The following CACNA1E variants were observed in gnomAD, a reference collection of about 807,000 sequenced individuals.
The protein encoded by CACNA1E is voltage-dependent R-type calcium channel subunit alpha-1E.
Under a neutral mutation model 259.2 loss-of-function variants are expected in CACNA1E, and 40 were observed. The ratio of observed to expected loss-of-function variants is 0.15; its 90% CI spans 0.12 to 0.20. The LOEUF (loss-of-function observed/expected upper bound fraction) is 0.20, where lower values mean the gene tolerates loss of function less well. Among genes scored for constraint, CACNA1E ranks in the 10% least tolerant of loss-of-function variants. The probability of loss-of-function intolerance (pLI) is 1.00; values close to 1 mark genes in which losing one functional copy is unlikely to be tolerated. For missense variants in CACNA1E, 1,874 were observed against 3,040.1 expected, an observed-to-expected ratio of 0.62 and a Z score of 9.02; for synonymous variants, 1,104 against 1,138.5, an observed-to-expected ratio of 0.97 and a Z score of 0.61.
intron 39 of CACNA1E, among the ~76,000 whole-genome samples, chr1:181,781,902 GTGCTCATA>G (rs1432518548): frequency 1.3e-5 from 2 of 152,162 alleles, no homozygotes; most frequent in Non-Finnish European, 2.9e-5. Context: ...ACAGCTATCA[GTGCTCATA>G]TGCAAAGAAA....
At chr1:181,323,208 T>A (rs1478090641) in intron 1 of CACNA1E, among the ~76,000 whole-genome samples, 2 of 152,224 alleles carry the variant, frequency 1.3e-5, no homozygotes, top group African/African-American at 4.8e-5. Flanking sequence ...ATGTGCTTTT[T>A]CCAGAAGGAA....
chr1:181,622,372 AG>A (rs1261956389), intron 6 of CACNA1E, among the ~76,000 whole-genome samples: 1 of 152,148 alleles, frequency 6.6e-6, no homozygotes, highest in East Asian at 1.9e-4. Context: ...TATATTTGCT[AG>A]GGCTGCCATA....
In CACNA1E at chr1:181,794,976, A is replaced by G. The variant is rs769258344; in HGVS notation, c.6140A>G (p.Tyr2047Cys). The G allele has an allele frequency of 1.9e-6, 3 of 1,613,984 alleles. No individual in the cohort carries two copies. Among genetic ancestry groups the G allele is most frequent in the Non-Finnish European group, 2.5e-6 (3 of 1,179,878 alleles). The change falls in exon 46 of 48, where the codon TAC becomes TGC. Residue 2047 changes from tyrosine to cysteine, a missense_variant. Physicochemically the swap from Tyr to Cys is radical, Grantham distance 194. Transcript: ENST00000367573. ...FSMERSSENT[Y>C]KSRRRSYHSS... ...ATGGAGCGAAGCAGTGAAAATACCTACAAGTCCCGTCGCCGGAGTTACCAC... is the reference window on the plus strand; with the variant it reads ...ATGGAGCGAAGCAGTGAAAATACCTGCAAGTCCCGTCGCCGGAGTTACCAC...
chr1:181,734,958 A>G (rs923424803), intron 21 of CACNA1E, among the ~76,000 whole-genome samples: 2 of 152,192 alleles, frequency 1.3e-5, no homozygotes, highest in African/African-American at 4.8e-5. Context: ...CATTAATCCC[A>G]CCTGCTGCCC....
At chr1:181,358,117 C>T (rs566624022) in intron 1 of CACNA1E, among the ~76,000 whole-genome samples, 11 of 152,230 alleles carry the variant, frequency 7.2e-5, no homozygotes, top group African/African-American at 2.6e-4. Context: ...ATGGGGAGTG[C>T]TGCCTACCCA....
chr1:181,726,000 C>A, intron 17 of CACNA1E, 65 bp from the exon 18 acceptor site: 1 of 1,072,718 alleles, frequency 9.3e-7, no homozygotes, highest in African/African-American at 1.6e-5. Context: ...CTTAGGAGAG[C>A]AGCCAAGGGA....
intron 34 of CACNA1E, among the ~76,000 whole-genome samples, chr1:181,764,121 T>G (rs989886714): frequency 1.3e-5 from 2 of 152,190 alleles, no homozygotes; most frequent in African/African-American, 4.8e-5. Context: ...ATGATGTGTT[T>G]CCTCTGCACA....
chr1:181,712,726 C>A (rs778287101), intron 8 of CACNA1E, among the ~76,000 whole-genome samples: 3 of 151,940 alleles, frequency 2.0e-5, no homozygotes, highest in Non-Finnish European at 4.4e-5. Context: ...CATGGGAGGT[C>A]AAGCAGATTT....
chr1:181,707,836 G>A (rs1230792712), intron 7 of CACNA1E, among the ~76,000 whole-genome samples: 2 of 152,134 alleles, frequency 1.3e-5, no homozygotes, highest in Non-Finnish European at 2.9e-5. Context: ...TTCTAGTCTA[G>A]GAAGATAGAA....
intron 25 of CACNA1E, chr1:181,745,256 G>A: frequency 2.6e-6 from 1 of 384,510 alleles, no homozygotes; most frequent in Non-Finnish European, 5.0e-6. Flanking sequence ...CATTGGTACT[G>A]CTGAGGAACT....
chr1:181,516,580 G>C (rs1466563017), intron 3 of CACNA1E, among the ~76,000 whole-genome samples: 1 of 152,200 alleles, frequency 6.6e-6, no homozygotes, highest in Non-Finnish European at 1.5e-5. Flanking sequence ...CCTAGGCCAA[G>C]TGATGTCACT....
At position 181,750,490 on chromosome 1, in the gene CACNA1E, A is replaced by G; in HGVS notation, c.3731+3A>G. 1 of 1,613,028 alleles carries G rather than the reference A, an allele frequency of 6.2e-7. No homozygotes were observed. Among genetic ancestry groups the G allele is most frequent in the Non-Finnish European group, 8.5e-7 (1 of 1,179,196 alleles). On this transcript the variant is annotated splice_donor_region_variant and intron_variant, in intron 26 of 47. Coordinates refer to ENST00000367573, the MANE Select transcript of CACNA1E (RefSeq NM_001205293.3). ...ATCCTCCATAGGAACGCTTTGGGGT[A>G]AATATGTTCGATTATCTTTGAAGTA... is the stretch of plus-strand genomic sequence containing the variant.
intron 25 of CACNA1E, among the ~76,000 whole-genome samples, chr1:181,741,092 C>A (rs1656528470): frequency 1.3e-5 from 2 of 152,128 alleles, no homozygotes; most frequent in Non-Finnish European, 2.9e-5. Flanking sequence ...CTGTATCATT[C>A]TTCTTATTTT....
At chr1:181,676,546 C>T (rs894971470) in intron 7 of CACNA1E, among the ~76,000 whole-genome samples, 1 of 152,126 alleles carries the variant, frequency 6.6e-6, no homozygotes, top group African/African-American at 2.4e-5. Context: ...TACCACCAAG[C>T]TCTGTGTCTG....
At chr1:181,747,504 G>C (rs150186544) in intron 25 of CACNA1E, among the ~76,000 whole-genome samples, 71 of 143,504 alleles carry the variant, frequency 4.9e-4, no homozygotes, top group African/African-American at 1.8e-3. Flanking sequence ...CAAATAAATA[G>C]AAAATAAATG....
chr1:181,544,006 A>G (rs766119154), intron 3 of CACNA1E, among the ~76,000 whole-genome samples: 1 of 152,232 alleles, frequency 6.6e-6, no homozygotes, highest in Non-Finnish European at 1.5e-5. Flanking sequence ...CCCATACAAA[A>G]AGTTGTGCAT....
chr1:181,369,314 C>A (rs180797038), intron 1 of CACNA1E, among the ~76,000 whole-genome samples: 1 of 152,164 alleles, frequency 6.6e-6, no homozygotes, highest in African/African-American at 2.4e-5. Flanking sequence ...TTTTAATGGC[C>A]GCATCTTCGG....
At chr1:181,795,134 A>G (rs976019495) in intron 46 of CACNA1E, 90 bp downstream of exon 46, 8 of 1,107,448 alleles carry the variant, frequency 7.2e-6, no homozygotes, top group Non-Finnish European at 1.0e-5. Context: ...GATAACCAGA[A>G]AAGAATTCAG....
intron 1 of CACNA1E, among the ~76,000 whole-genome samples, chr1:181,397,482 G>T (rs1656765754): frequency 6.6e-6 from 1 of 152,128 alleles, no homozygotes; most frequent in Admixed American, 6.5e-5. Context: ...TGTATTTTTA[G>T]TAGAGACGGG....
Sources: allele counts gnomAD v4.1 joint callset (sites outside exome capture counted in the v4.1 genomes callset), GRCh38; gene constraint gnomAD v4.1.1; transcripts MANE v1.5; gene names NCBI Gene and HGNC (gene_info 2026-07-23, HGNC 2026-07-21).